DPYS: variants seen among roughly 807,000 people sequenced by gnomAD.
The protein encoded by DPYS is dihydropyrimidinase.
Under a neutral mutation model 50.3 loss-of-function variants are expected in DPYS, and 39 were observed. The ratio of observed to expected loss-of-function variants is 0.78; its 90% CI spans 0.60 to 1.01. The LOEUF is 1.01. Among genes scored for constraint, DPYS ranks in the 50% least tolerant of loss-of-function variants. DPYS has a pLI of 0.00. For synonymous variants in DPYS, 245 were observed against 250.7 expected (o/e 0.98, Z 0.22); for missense variants, 659 against 680.9 (o/e 0.97, Z 0.36).
chr8:104,426,243 T>C (rs1812716516), intron 6 of DPYS, among the ~76,000 whole-genome samples: 1 of 152,198 alleles, frequency 6.6e-6, no homozygotes, highest in Admixed American at 6.5e-5. Context: ...TAAAGGGTTT[T>C]TGAGAGAACA....
At chr8:104,397,649 T>A (rs1480326604) in intron 7 of DPYS, among the ~76,000 whole-genome samples, 2 of 152,244 alleles carry the variant, frequency 1.3e-5, no homozygotes, top group African/African-American at 4.8e-5. Flanking sequence ...TGTTCACTAA[T>A]ACCTATAAAT....
intron 3 of DPYS, 126 bp from the exon 4 acceptor site, chr8:104,444,563 T>C: frequency 1.1e-6 from 1 of 929,438 alleles, no homozygotes; most frequent in Admixed American, 2.1e-5. Context: ...TGTGTGTGTG[T>C]CTGTGTGTGT....
intron 8 of DPYS, 23 bp downstream of exon 8, chr8:104,392,761 G>A: frequency 3.1e-6 from 5 of 1,613,648 alleles, no homozygotes; most frequent in South Asian, 1.1e-5. Context: ...ACTTGTGGCA[G>A]TATCCCACTG....
intron 1 of DPYS, among the ~76,000 whole-genome samples, chr8:104,451,925 C>T (rs1357145237): frequency 6.6e-6 from 1 of 152,190 alleles, no homozygotes; most frequent in Non-Finnish European, 1.5e-5. Context: ...CTGTCCACTG[C>T]TACCACCCTG....
At chr8:104,461,261 C>T (rs144159254) in intron 1 of DPYS, among the ~76,000 whole-genome samples, 186 of 148,370 alleles carry the variant, frequency 1.3e-3, no homozygotes, top group African/African-American at 4.4e-3. Context: ...CACTGCATTC[C>T]AGCCCAGGTG....
At chr8:104,384,044 C>G (rs7012566) in intron 8 of DPYS, among the ~76,000 whole-genome samples, 2 of 151,518 alleles carry the variant, frequency 1.3e-5, no homozygotes, top group Admixed American at 6.6e-5. Context: ...TAACCTGCAC[C>G]CTCTCTCTCT....
intron 7 of DPYS, among the ~76,000 whole-genome samples, chr8:104,400,605 T>C (rs895034306): frequency 4.6e-5 from 7 of 152,188 alleles, no homozygotes; most frequent in Non-Finnish European, 1.0e-4. Context: ...TGAGGCTGAG[T>C]TCCTGGCCGC....
chr8:104,448,797 A>C (rs1357316430), intron 2 of DPYS, among the ~76,000 whole-genome samples: 2 of 152,208 alleles, frequency 1.3e-5, no homozygotes, highest in African/African-American at 4.8e-5. Flanking sequence ...GAGTCAGCAA[A>C]GTTTAAGAAT....
rs1814433851 is a variant in DPYS, at chr8:104,466,889, C to T, written c.32G>A (p.Gly11Glu). The part of the protein sequence containing the change: MAAPSRLLIR[G>E]GRVVNDDFSE... Reference sequence around the variant, plus strand: ...GAAGTCATCGTTGACCACGCGACCCCCGCGGATCAGGAGCCGCGAGGGCGC... The same window carrying T: ...GAAGTCATCGTTGACCACGCGACCCTCGCGGATCAGGAGCCGCGAGGGCGC... The change falls in exon 1 of 10, where the codon GGG (glycine) becomes GAG (glutamate). Residue 11 changes from glycine (G) to glutamate (E), a missense_variant. Transcript: ENST00000351513. The T allele has an allele frequency of 6.6e-7, 1 of 1,514,030 alleles. No homozygotes were observed. 93.8% of individuals were successfully genotyped at this position (1,514,030 alleles called of 1,614,324 possible).
chr8:104,409,542 A>C (rs903865530), intron 7 of DPYS, among the ~76,000 whole-genome samples: 1 of 152,156 alleles, frequency 6.6e-6, no homozygotes, highest in Non-Finnish European at 1.5e-5. Context: ...AGGACAGGAA[A>C]TGTATAAACA....
chr8:104,464,315 A>G (rs1814273224), intron 1 of DPYS, among the ~76,000 whole-genome samples: 1 of 152,192 alleles, frequency 6.6e-6, no homozygotes, highest in African/African-American at 2.4e-5. Flanking sequence ...GAAAAGATAG[A>G]AGACCAAGAA....
intron 8 of DPYS, among the ~76,000 whole-genome samples, chr8:104,385,628 C>T (rs1811188339): frequency 6.6e-6 from 1 of 152,158 alleles, no homozygotes; most frequent in African/African-American, 2.4e-5. Flanking sequence ...CTCTCAAACT[C>T]ATGTTAAAAT....
At position 104,429,429 on chromosome 8, in the gene DPYS, G is replaced by A. The variant is rs1278756135; in HGVS notation, c.950+116C>T. 4.2e-6 allele frequency: 6 copies of A among 1,416,622 alleles called. No homozygotes were observed. The East Asian group carries it at 1.4e-4, about 33-fold the overall frequency. The allele number at this position is 1,416,622 out of a possible 1,614,324, so 87.8% of individuals were successfully genotyped here. ...GTGAGGGGTACCCAGGACCTGACAG[G>A]TCAAGTAGAAGAGAATACTGGGAGG... On this transcript the variant is annotated intron_variant, in intron 5 of 9. Transcript: ENST00000351513.
intron 1 of DPYS, among the ~76,000 whole-genome samples, chr8:104,462,707 T>C (rs3133278): frequency 0.29 from 44,448 of 152,092 alleles, 6,617 homozygotes; most frequent in Middle Eastern, 0.38. Context: ...ACTCTTATAC[T>C]TCATTCTCTT....
intron 7 of DPYS, chr8:104,420,601 G>A (rs1290616058): frequency 2.6e-5 from 4 of 151,332 alleles, no homozygotes; most frequent in Non-Finnish European, 5.9e-5. Context: ...TTAAATTAGA[G>A]GAGTAAAGAA....
rs376550280 is a variant in DPYS at position 104,444,450 on chromosome 8, C to T, written c.604-13G>A. 2.5e-6 allele frequency: 4 copies of T among 1,613,898 alleles called. No homozygotes were observed. Among genetic ancestry groups the T allele is most frequent in the African/African-American group, 2.7e-5 (2 of 74,924 alleles). ...TCTTCTTTGCTCCCTAAAAAGACAG[C>T]AGGAATGTGTATATGTGCAAGGAAG... On this transcript the variant is annotated splice_polypyrimidine_tract_variant and intron_variant, in intron 3 of 9. Coordinates refer to ENST00000351513, the MANE Select transcript of DPYS (RefSeq NM_001385.3).
At chr8:104,380,190 C>T (rs1364552142) in intron 9 of DPYS, among the ~76,000 whole-genome samples, 1 of 152,122 alleles carries the variant, frequency 6.6e-6, no homozygotes, top group African/African-American at 2.4e-5. Context: ...CCTCATTATC[C>T]AAATCCCTGC....
intron 4 of DPYS, among the ~76,000 whole-genome samples, chr8:104,439,341 ATACT>A (rs776566527): frequency 1.3e-5 from 2 of 152,172 alleles, no homozygotes; most frequent in Non-Finnish European, 2.9e-5. Context: ...GAGATAGAAG[ATACT>A]TACTTTCCAT....
intron 7 of DPYS, among the ~76,000 whole-genome samples, chr8:104,394,029 TC>T (rs1811494340): frequency 3.9e-5 from 6 of 152,236 alleles, no homozygotes; most frequent in African/African-American, 1.4e-4. Flanking sequence ...ATAGCTTTGC[TC>T]CCACTTATGA....
Sources: gnomAD v4.1 joint callset for allele counts (sites outside exome capture counted in the v4.1 genomes callset) on GRCh38, gnomAD v4.1.1 for gene constraint, MANE v1.5 for transcripts, NCBI Gene and HGNC (gene_info 2026-07-23, HGNC 2026-07-21) for gene names.